The following MSH3 variants were observed in gnomAD, a reference collection of about 807,000 sequenced individuals.
MSH3 encodes DNA mismatch repair protein Msh3.
A neutral mutation model predicts 123.3 loss-of-function variants in MSH3; 106 were observed. The observed-to-expected ratio is 0.86, with a 90% CI of 0.73 to 1.01. The LOEUF is 1.01. Among genes scored for constraint, MSH3 ranks in the 50% least tolerant of loss-of-function variants. The pLI is 0.00. For missense variants in MSH3, 1,459 were observed against 1,347.6 expected, an observed-to-expected ratio of 1.08 and a Z score of -1.29; for synonymous variants, 515 against 481.4, an observed-to-expected ratio of 1.07 and a Z score of -0.91.
chr5:80,729,641 T>C (rs1289800475), intron 10 of MSH3, among the ~76,000 whole-genome samples: 2 of 152,092 alleles, frequency 1.3e-5, no homozygotes, highest in East Asian at 3.8e-4. Context: ...TCTTATTTCA[T>C]AGACCATGAA....
intron 10 of MSH3, among the ~76,000 whole-genome samples, chr5:80,730,006 C>A (rs1298597926): frequency 6.6e-6 from 1 of 152,092 alleles, no homozygotes; most frequent in Non-Finnish European, 1.5e-5. Flanking sequence ...TGGAGAGAGT[C>A]AAAGAAAGGC....
At chr5:80,665,856 C>T (rs6151619) in intron 3 of MSH3, among the ~76,000 whole-genome samples, 42,114 of 151,936 alleles carry the variant, frequency 0.28, 6,053 homozygotes, top group Middle Eastern at 0.35. Flanking sequence ...GTTTTCATAA[C>T]TGCAGAATCA....
rs245341 is a variant in MSH3 at position 80,864,574 on chromosome 5, A to G, written c.3001-239A>G. Among the ~76,000 whole-genome samples, 107,196 of 151,954 alleles carry G rather than the reference A, an allele frequency of 0.71. 37,832 individuals are homozygous for G. Among genetic ancestry groups the G allele is most frequent in the South Asian group, 0.8 (3,840 of 4,826 alleles). ...GTGATGAAGTGTCATGATGTCTGCA[A>G]CTAATTCTCAGATGGTTCAGGAAAA... On this transcript the variant is annotated intron_variant, in intron 21 of 23. Transcript: ENST00000265081.
intron 7 of MSH3, 29 bp from the exon 8 acceptor site, chr5:80,678,898 T>C: frequency 6.2e-7 from 1 of 1,613,554 alleles, no homozygotes; most frequent in Non-Finnish European, 8.5e-7. Flanking sequence ...ACATTTTTTC[T>C]GTAACATTAT....
chr5:80,805,550 A>C (rs1357263223), intron 19 of MSH3, among the ~76,000 whole-genome samples: 1 of 149,770 alleles, frequency 6.7e-6, no homozygotes, highest in African/African-American at 2.5e-5. Flanking sequence ...TACTTAGAGT[A>C]ATTTTTTGTC....
At chr5:80,694,474 T>C (rs905044197) in intron 8 of MSH3, among the ~76,000 whole-genome samples, 1 of 152,176 alleles carries the variant, frequency 6.6e-6, no homozygotes, top group Non-Finnish European at 1.5e-5. Flanking sequence ...ATATTATAAT[T>C]GTCTTAAATA....
intron 20 of MSH3, among the ~76,000 whole-genome samples, chr5:80,826,740 A>C (rs1334668172): frequency 3.3e-5 from 5 of 151,872 alleles, no homozygotes; most frequent in Non-Finnish European, 4.4e-5. Context: ...GTAGAGACGG[A>C]GTTTCACCAC....
chr5:80,781,822 T>C (rs1744415338), intron 17 of MSH3, among the ~76,000 whole-genome samples: 2 of 152,198 alleles, frequency 1.3e-5, no homozygotes, highest in South Asian at 4.1e-4. Context: ...TCTTACTGTA[T>C]TGGCCTTCTG....
chr5:80,766,339 CTTTTTTTTTTTTTT>C (rs1166492002), intron 13 of MSH3, among the ~76,000 whole-genome samples: 1 of 78,212 alleles, frequency 1.3e-5, no homozygotes, highest in Non-Finnish European at 2.3e-5. Flanking sequence ...TGTTTTTTTC[CTTTTTTTTTTTTTT>C]TTTTTTTTTT....
chr5:80,814,315 A>G (rs1745063833), intron 20 of MSH3, among the ~76,000 whole-genome samples: 1 of 152,112 alleles, frequency 6.6e-6, no homozygotes, highest in South Asian at 2.1e-4. Flanking sequence ...CTCGTTTCCT[A>G]GGCCAGAGTG....
intron 8 of MSH3, among the ~76,000 whole-genome samples, chr5:80,719,959 G>A (rs890062237): frequency 6.6e-6 from 1 of 152,208 alleles, no homozygotes; most frequent in Non-Finnish European, 1.5e-5. Context: ...CATGTGGGAT[G>A]GGGCCTGAGA....
Position 80,756,319 on chromosome 5 carries a change from T to C in MSH3, c.1764-5227T>C, listed in dbSNP as rs141686433. On this transcript the variant is annotated intron_variant, in intron 12 of 23. Coordinates refer to ENST00000265081, the MANE Select transcript of MSH3 (RefSeq NM_002439.5). ...TAGAGGAAATAACTGAAATGCAAGA[T>C]AATACCTGAAGAAATTACCTAGAAT... is the stretch of plus-strand genomic sequence containing the variant. Among the ~76,000 whole-genome samples the C allele has an allele frequency of 1.5e-3, 236 of 152,302 alleles. 1 individual carries two copies. Among genetic ancestry groups the C allele is most frequent in the African/African-American group, 5.5e-3 (228 of 41,578 alleles).
At chr5:80,687,805 G>A (rs1216269482) in intron 8 of MSH3, among the ~76,000 whole-genome samples, 1 of 148,060 alleles carries the variant, frequency 6.8e-6, no homozygotes, top group East Asian at 2.2e-4. Flanking sequence ...ATGATAGAAG[G>A]GAAGAGATGA....
chr5:80,722,390 T>C (rs1751100291), intron 8 of MSH3, among the ~76,000 whole-genome samples: 1 of 152,260 alleles, frequency 6.6e-6, no homozygotes, highest in African/African-American at 2.4e-5. Context: ...CAGATAACTT[T>C]TGATGTTCTT....
At chr5:80,702,713 TAAA>T (rs34322595) in intron 8 of MSH3, among the ~76,000 whole-genome samples, 1 of 149,696 alleles carries the variant, frequency 6.7e-6, no homozygotes, top group Non-Finnish European at 1.5e-5. Context: ...ATAATTTATT[TAAA>T]AAAAAAAATA....
Position 80,692,680 on chromosome 5 carries a change from GTTTATA to G in MSH3, c.1340+13589_1340+13594del, listed in dbSNP as rs1750331448. On this transcript the variant is annotated intron_variant, in intron 8 of 23. Coordinates refer to ENST00000265081, the MANE Select transcript of MSH3 (RefSeq NM_002439.5). ...TATATATACACATGTATATGTTTAT[GTTTATA>G]TAGATAAATATACATACACATGTAT... 1.5e-5 allele frequency among the ~76,000 whole-genome samples: 2 copies of G among 134,230 alleles called. 1 individual carries two copies. The highest frequency in any genetic ancestry group is 5.4e-5 in the African/African-American group (2 of 37,286). The allele number at this position is 134,230 out of a possible 152,430, so 88.1% of individuals were successfully genotyped here. A position where few individuals can be genotyped will look rare whatever the true frequency, so the allele number is the denominator to read the frequency against.
chr5:80,675,687 A>G (rs925882467), intron 7 of MSH3, among the ~76,000 whole-genome samples: 3 of 152,078 alleles, frequency 2.0e-5, no homozygotes, highest in Non-Finnish European at 4.4e-5. Flanking sequence ...ACACAGCCAA[A>G]CCATATCAAT....
intron 13 of MSH3, among the ~76,000 whole-genome samples, chr5:80,766,533 T>TG (rs960993096): frequency 1.3e-5 from 2 of 151,960 alleles, no homozygotes; most frequent in East Asian, 1.9e-4. Flanking sequence ...TTAGTAGAGA[T>TG]GGGGTTTCAC....
chr5:80,709,377 C>T (rs1227713731), intron 8 of MSH3, among the ~76,000 whole-genome samples: 2 of 152,164 alleles, frequency 1.3e-5, no homozygotes, highest in African/African-American at 2.4e-5. Flanking sequence ...AATCCCAGCA[C>T]TTTGGGAGGC....
Sources: gnomAD v4.1 joint callset for allele counts (sites outside exome capture counted in the v4.1 genomes callset) on GRCh38, gnomAD v4.1.1 for gene constraint, MANE v1.5 for transcripts, NCBI Gene and HGNC (gene_info 2026-07-23, HGNC 2026-07-21) for gene names.